FUNDC1: variants seen among roughly 807,000 people sequenced by gnomAD.
FUNDC1 encodes FUN14 domain-containing protein 1.
A neutral mutation model predicts 14.5 loss-of-function variants in FUNDC1; 10 were observed. That is an observed-to-expected ratio of 0.69 (90% CI 0.43 to 1.17). The LOEUF (loss-of-function observed/expected upper bound fraction) is 1.17, where lower values mean the gene tolerates loss of function less well. Among genes scored for constraint, FUNDC1 ranks in the 50% most tolerant of loss-of-function variants. The probability of loss-of-function intolerance (pLI) is 0.00; values close to 1 mark genes in which losing one functional copy is unlikely to be tolerated. For missense variants in FUNDC1, 115 were observed against 113.8 expected (o/e 1.01, Z -0.05); for synonymous variants, 33 against 39.7 (o/e 0.83, Z 0.64).
chrX:44,539,623 T>C (rs910265052), intron 2 of FUNDC1, among the ~76,000 whole-genome samples: 15 of 111,892 alleles, frequency 1.3e-4, no homozygotes, highest in African/African-American at 4.9e-4. Context: ...TTCAGACTTC[T>C]AGCCTCCAGA....
chrX:44,533,177 A>G (rs1265337543), intron 3 of FUNDC1, among the ~76,000 whole-genome samples: 1 of 111,774 alleles, frequency 8.9e-6, no homozygotes, highest in East Asian at 2.8e-4. Flanking sequence ...TAGACATGCA[A>G]TTAAAATGGT....
At chrX:44,525,416 T>A (rs2038896734) in intron 4 of FUNDC1, among the ~76,000 whole-genome samples, 1 of 107,795 alleles carries the variant, frequency 9.3e-6, no homozygotes, top group Non-Finnish European at 1.9e-5. Context: ...CTCAAACTCC[T>A]AGGCTCAAGA....
intron 3 of FUNDC1, among the ~76,000 whole-genome samples, chrX:44,537,983 T>C (rs902780473): frequency 8.0e-5 from 9 of 112,488 alleles, no homozygotes; most frequent in South Asian, 3.6e-4. Flanking sequence ...ATTTTTGTTT[T>C]GTTTTGTTTT....
chrX:44,537,215 T>C (rs1357362233), intron 3 of FUNDC1, among the ~76,000 whole-genome samples: 1 of 111,904 alleles, frequency 8.9e-6, no homozygotes, highest in Non-Finnish European at 1.9e-5. Flanking sequence ...TGGTGCATAT[T>C]GAGTGAACTG....
rs1415057243 is a variant in FUNDC1 at position 44,524,084 on chromosome X, C to A, written c.*114G>T. ...AAGTTGTGAATTGAGTATTGTCCAG[C>A]TAGTTGTTTCTCCTTGCCCTAGAGA... On this transcript the variant is annotated 3_prime_UTR_variant, in exon 5 of 5. Coordinates refer to ENST00000378045, the MANE Select transcript of FUNDC1 (RefSeq NM_173794.4). 7 of 514,959 alleles carry A rather than the reference C, an allele frequency of 1.4e-5. No homozygotes were observed. The highest frequency in any genetic ancestry group is 2.0e-5 in the Non-Finnish European group (6 of 294,928). The allele number at this position is 514,959 out of a possible 1,213,427, so 42.4% of individuals were successfully genotyped here.
chrX:44,542,002 G>C lies in FUNDC1; in HGVS notation c.128C>G (p.Pro43Arg). Residue 43 changes from proline to arginine, a missense_variant, in exon 2 of 5, where the codon CCT becomes CGT. Coordinates refer to ENST00000378045, the MANE Select transcript of FUNDC1 (RefSeq NM_173794.4). ...WNRVFGHSSG[P>R]MVEKYSVATQ... Reference sequence around the variant, plus strand: ...AGCTACTGAGTATTTTTCTACCATAGGTCCCGAACTGTGGCCAAACACTCG... The same window carrying C: ...AGCTACTGAGTATTTTTCTACCATACGTCCCGAACTGTGGCCAAACACTCG... 8.3e-7 allele frequency: 1 copy of C among 1,206,629 alleles called. No individual in the cohort carries two copies. Among genetic ancestry groups the C allele is most frequent in the Non-Finnish European group, 1.1e-6 (1 of 892,190 alleles).
In FUNDC1 at chrX:44,540,004, T is replaced by C. The variant is rs910302981; in HGVS notation, c.186-1462A>G. Among the ~76,000 whole-genome samples, 3 of 111,155 alleles carry C rather than the reference T, an allele frequency of 2.7e-5. No homozygotes were observed. The Admixed American group carries it at 2.9e-4, about 11-fold the overall frequency. On this transcript the variant is annotated intron_variant, in intron 2 of 4. Coordinates refer to ENST00000378045, the MANE Select transcript of FUNDC1 (RefSeq NM_173794.4). ...TATATTTTATCTCCAAAACATTATT[T>C]GACTGTCTTCTCCTTTCCACTCTCA...
At chrX:44,533,829 C>T (rs978810906) in intron 3 of FUNDC1, among the ~76,000 whole-genome samples, 22 of 108,591 alleles carry the variant, frequency 2.0e-4, no homozygotes, top group Non-Finnish European at 3.1e-4. Flanking sequence ...TTTGGGAGAC[C>T]GAGGTGGGTG....
At chrX:44,536,772 T>C (rs1169468785) in intron 3 of FUNDC1, among the ~76,000 whole-genome samples, 1 of 111,759 alleles carries the variant, frequency 8.9e-6, no homozygotes, top group Non-Finnish European at 1.9e-5. Context: ...GGAGGATTAC[T>C]CTAATCTGTA....
chrX:44,539,790 C>T (rs1281396031), intron 2 of FUNDC1, among the ~76,000 whole-genome samples: 1 of 111,115 alleles, frequency 9.0e-6, no homozygotes, highest in Non-Finnish European at 1.9e-5. Context: ...CCTCAGCCTC[C>T]TGAATAGCTG....
intron 3 of FUNDC1, among the ~76,000 whole-genome samples, chrX:44,537,903 A>G (rs1419336005): frequency 1.8e-5 from 2 of 112,936 alleles, no homozygotes; most frequent in African/African-American, 3.2e-5. Context: ...GCATTTTTAG[A>G]TCTTATACTT....
intron 3 of FUNDC1, among the ~76,000 whole-genome samples, chrX:44,528,188 C>CT (rs2038909503): frequency 3.6e-5 from 4 of 111,888 alleles, no homozygotes; most frequent in Non-Finnish European, 5.6e-5. Flanking sequence ...TAGTGCATCA[C>CT]TTTTCTTTTG....
intron 3 of FUNDC1, among the ~76,000 whole-genome samples, chrX:44,537,915 C>G (rs1380638311): frequency 8.9e-6 from 1 of 112,699 alleles, no homozygotes; most frequent in Non-Finnish European, 1.9e-5. Context: ...CTTATACTTA[C>G]AAGAATATGA....
rs1425654213 is a variant in FUNDC1, at chrX:44,538,487, C to T, written c.241G>A (p.Gly81Ser). Residue 81 changes from glycine (G) to serine (S), a missense_variant, in exon 3 of 5, where the codon GGT (glycine) becomes AGT (serine). Coordinates refer to ENST00000378045, the MANE Select transcript of FUNDC1 (RefSeq NM_173794.4). ...VGKLAATAVG[G>S]GFLLLQIASH... Reference sequence around the variant, plus strand: ...CATACCTGAAGAAGAAGAAAGCCACCACCTACTGCAGTTGCTGCAAGTTTT... The same window carrying T: ...CATACCTGAAGAAGAAGAAAGCCACTACCTACTGCAGTTGCTGCAAGTTTT... 3.3e-6 allele frequency: 4 copies of T among 1,207,054 alleles called. No individual in the cohort carries two copies. In the South Asian group the frequency reaches 5.3e-5, roughly 16 times the overall value.
At chrX:44,535,841 C>T (rs182604483) in intron 3 of FUNDC1, among the ~76,000 whole-genome samples, 1,143 of 106,397 alleles carry the variant, frequency 0.011, 34 homozygotes, top group East Asian at 0.089. Context: ...CAAAAATTAG[C>T]CAGGCATGGT....
chrX:44,539,742 C>T (rs1415838063), intron 2 of FUNDC1, among the ~76,000 whole-genome samples: 2 of 111,507 alleles, frequency 1.8e-5, no homozygotes, highest in African/African-American at 6.5e-5. Context: ...TCTCAGCCCA[C>T]TGCAACCTCC....
At chrX:44,525,216 G>C (rs1386003065) in intron 4 of FUNDC1, among the ~76,000 whole-genome samples, 1 of 109,626 alleles carries the variant, frequency 9.1e-6, no homozygotes, top group African/African-American at 3.3e-5. Context: ...AATTTTTTTT[G>C]GGGGGGTGAG....
chrX:44,523,897 T>G lies in FUNDC1; in HGVS notation c.*301A>C. 1 of 222,681 alleles carries G rather than the reference T, an allele frequency of 4.5e-6. No individual in the cohort carries two copies. Among genetic ancestry groups the G allele is most frequent in the Non-Finnish European group, 8.1e-6 (1 of 123,625 alleles). 18.4% of individuals were successfully genotyped at this position (222,681 alleles called of 1,213,427 possible). A position where few individuals can be genotyped will look rare whatever the true frequency, so the allele number is the denominator to read the frequency against. On this transcript the variant is annotated 3_prime_UTR_variant, in exon 5 of 5. Transcript: ENST00000378045. ...CCAACATATTTCTTTTCTCTCCATATCTACATCCAATGGTGATATTTTATA... is the reference window on the plus strand; with the variant it reads ...CCAACATATTTCTTTTCTCTCCATAGCTACATCCAATGGTGATATTTTATA...
intron 2 of FUNDC1, among the ~76,000 whole-genome samples, chrX:44,540,613 C>T (rs754716295): frequency 1.8e-5 from 2 of 111,961 alleles, no homozygotes; most frequent in African/African-American, 6.5e-5. Context: ...TCTAGGCTTT[C>T]CGAGCAAACT....
Sources: gnomAD v4.1 joint callset for allele counts (sites outside exome capture counted in the v4.1 genomes callset) on GRCh38, gnomAD v4.1.1 for gene constraint, MANE v1.5 for transcripts, NCBI Gene and HGNC (gene_info 2026-07-23, HGNC 2026-07-21) for gene names.